Variants in PPIP5K1 observed in about 807,000 individuals in gnomAD.
PPIP5K1 encodes the protein diphosphoinositol pentakisphosphate kinase 1.
Under a neutral mutation model 27.7 loss-of-function variants are expected in PPIP5K1, and 6 were observed. The observed-to-expected ratio is 0.22, with a 90% CI of 0.12 to 0.43. The LOEUF (loss-of-function observed/expected upper bound fraction) is 0.43, where lower values mean the gene tolerates loss of function less well. PPIP5K1 is among the 20% of genes least tolerant of loss of function. The pLI is 1.00. For missense variants in PPIP5K1, 394 were observed against 635.4 expected (o/e 0.62, Z 4.08); for synonymous variants, 145 against 242.6 (o/e 0.60, Z 3.74).
intron 31 of PPIP5K1, chr15:43,536,257 A>G (rs1394233034): frequency 5.7e-6 from 2 of 350,060 alleles, no homozygotes; most frequent in East Asian, 1.1e-4. Flanking sequence ...TGTCTCTACT[A>G]AAAATACAAA....
At position 43,587,518 on chromosome 15, in the gene PPIP5K1, TATGACTGCATATATA is replaced by T. The variant is rs1461396938; in HGVS notation, c.-123+2639_-122-2627del. ...ATAAATACAAATGTTACATATGGTT[TATGACTGCATATATA>T]ATTAGTAGAAGTATAAAAACAGGGA... On this transcript the variant is annotated intron_variant, in intron 1 of 31. Transcript: ENST00000420765. Among the ~76,000 whole-genome samples the T allele has an allele frequency of 2.8e-3, 62 of 21,810 alleles. 1 individual carries two copies. The highest frequency in any genetic ancestry group is 0.023 in the Middle Eastern group (3 of 128). The allele number at this position is 21,810 out of a possible 152,430, so 14.3% of individuals were successfully genotyped here.
chr15:43,534,844 C>T lies in PPIP5K1; in HGVS notation c.4303G>A (p.Glu1435Lys), dbSNP rs377481434. The T allele has an allele frequency of 6.8e-6, 11 of 1,613,478 alleles. No individual in the cohort carries two copies. The highest frequency in any genetic ancestry group is 9.3e-6 in the Non-Finnish European group (11 of 1,179,662). Residue 1435 changes from glutamate to lysine, a missense_variant, in exon 32 of 32, where the codon GAG becomes AAG. This residue lies in a region of PPIP5K1 where 379 missense variants were observed against 423.9 expected (regional missense o/e 0.89). Coordinates refer to ENST00000420765, the MANE Select transcript of PPIP5K1 (RefSeq NM_001394395.1). The part of the protein sequence containing the change: ...VGSPAEEIPE[E>K]VIQPYQEFSV... Reference sequence around the variant, plus strand: ...AACTCCTGGTATGGCTGGATGACCTCCTCAGGGATCTCTTCAGCTGGGCTG... The same window carrying T: ...AACTCCTGGTATGGCTGGATGACCTTCTCAGGGATCTCTTCAGCTGGGCTG...
chr15:43,539,390 C>T, intron 31 of PPIP5K1, 80 bp downstream of exon 31: 1 of 1,054,602 alleles, frequency 9.5e-7, no homozygotes, highest in Non-Finnish European at 1.4e-6. Flanking sequence ...CTTCTTTGAC[C>T]TCATGCAACA....
At chr15:43,556,177 G>C (rs1440459606) in intron 30 of PPIP5K1, among the ~76,000 whole-genome samples, 1 of 151,974 alleles carries the variant, frequency 6.6e-6, no homozygotes, top group Non-Finnish European at 1.5e-5. Flanking sequence ...AAAATTAGCT[G>C]TGCGTGGTGG....
chr15:43,537,486 C>T (rs1422793483), intron 31 of PPIP5K1: 42 of 188,428 alleles, frequency 2.2e-4, no homozygotes, highest in Non-Finnish European at 3.3e-4. Flanking sequence ...ATCAGGAGTT[C>T]GAAACCAGCC....
chr15:43,545,241 C>T (rs1235283847), intron 30 of PPIP5K1, among the ~76,000 whole-genome samples: 2 of 151,490 alleles, frequency 1.3e-5, no homozygotes, highest in African/African-American at 4.9e-5. Flanking sequence ...TGAGATACTA[C>T]AAAATGTACC....
chr15:43,558,721 T>C, intron 30 of PPIP5K1, 74 bp downstream of exon 30: 2 of 1,577,810 alleles, frequency 1.3e-6, no homozygotes, highest in South Asian at 2.2e-5. Flanking sequence ...CTTTCTAATT[T>C]ACTACTTTCT....
In PPIP5K1 at chr15:43,534,642, T is replaced by A. The variant is rs1468465516; in HGVS notation, c.*32A>T. On this transcript the variant is annotated 3_prime_UTR_variant, in exon 32 of 32. Coordinates refer to ENST00000420765, the MANE Select transcript of PPIP5K1 (RefSeq NM_001394395.1). ...TTGAGGAATACCCTCTCCAGGCAGC[T>A]GATCAATCACTTCAGGGACCACCCA... 6.7e-7 allele frequency: 1 copy of A among 1,500,768 alleles called. No individual in the cohort carries two copies. The highest frequency in any genetic ancestry group is 1.4e-5 in the African/African-American group (1 of 71,450). The allele number at this position is 1,500,768 out of a possible 1,614,324, so 93.0% of individuals were successfully genotyped here.
At chr15:43,539,044 C>G (rs1379190233) in intron 31 of PPIP5K1, among the ~76,000 whole-genome samples, 1 of 151,970 alleles carries the variant, frequency 6.6e-6, no homozygotes, top group African/African-American at 2.4e-5. Context: ...AACCCCGTCT[C>G]TACTAAAAAT....
intron 11 of PPIP5K1, among the ~76,000 whole-genome samples, chr15:43,578,534 G>A (rs1400006236): frequency 6.0e-5 from 1 of 16,602 alleles, no homozygotes; most frequent in East Asian, 1.9e-3. Flanking sequence ...AGATCCTGTC[G>A]CAAAAAAAAA....
At chr15:43,551,898 C>T (rs1053303392) in intron 30 of PPIP5K1, among the ~76,000 whole-genome samples, 12 of 151,890 alleles carry the variant, frequency 7.9e-5, no homozygotes, top group African/African-American at 2.7e-4. Flanking sequence ...CCACCACGCC[C>T]GGCTCCTTTT....
chr15:43,553,569 C>T (rs1247587114), intron 30 of PPIP5K1, among the ~76,000 whole-genome samples: 1 of 151,390 alleles, frequency 6.6e-6, no homozygotes, highest in African/African-American at 2.4e-5. Flanking sequence ...TCTCAGATTC[C>T]TGGGCTTAAG....
chr15:43,534,807 A>G lies in PPIP5K1; in HGVS notation c.4340T>C (p.Val1447Ala), dbSNP rs1436495002. Residue 1447 changes from valine (V) to alanine (A), a missense_variant, in exon 32 of 32, where the codon GTT becomes GCT. Coordinates refer to ENST00000420765, the MANE Select transcript of PPIP5K1 (RefSeq NM_001394395.1). ...IQPYQEFSVE[V>A]GRLAQETSAI... Reference sequence around the variant, plus strand: ...AGAAGTCTCCTGGGCCAGCCTGCCAACCTCCACAGAGAACTCCTGGTATGG... The same window carrying G: ...AGAAGTCTCCTGGGCCAGCCTGCCAGCCTCCACAGAGAACTCCTGGTATGG... The G allele has an allele frequency of 2.1e-5, 34 of 1,604,846 alleles. No homozygotes were observed. The highest frequency in any genetic ancestry group is 2.7e-5 in the Non-Finnish European group (32 of 1,175,470).
chr15:43,544,197 T>C (rs964484954), intron 30 of PPIP5K1, among the ~76,000 whole-genome samples: 3 of 152,214 alleles, frequency 2.0e-5, no homozygotes, highest in Non-Finnish European at 2.9e-5. Flanking sequence ...TTCTGGTTTA[T>C]ACTTCTAGCA....
In PPIP5K1 at chr15:43,556,133, C is replaced by G. The variant is rs182786295; in HGVS notation, c.3556+2662G>C. Among the ~76,000 whole-genome samples, 202 of 152,040 alleles carry G rather than the reference C, an allele frequency of 1.3e-3. 1 individual carries two copies. Among genetic ancestry groups the G allele is most frequent in the African/African-American group, 4.7e-3 (194 of 41,488 alleles). ...AAGAGATTAAGACCATCCTGGCCAA[C>G]GTGGTGAAACCCTGTCTCTACTAAA... On this transcript the variant is annotated intron_variant, in intron 30 of 31. Transcript: ENST00000420765.
chr15:43,552,667 C>T (rs1018686315), intron 30 of PPIP5K1, among the ~76,000 whole-genome samples: 35 of 150,926 alleles, frequency 2.3e-4, no homozygotes, highest in African/African-American at 5.1e-4. Context: ...TACCACTGCA[C>T]GCCAGCCTGG....
chr15:43,556,001 T>C (rs572000693), intron 30 of PPIP5K1, among the ~76,000 whole-genome samples: 2 of 152,246 alleles, frequency 1.3e-5, no homozygotes, highest in East Asian at 1.9e-4. Context: ...AATAAATAAA[T>C]AGAGTCTCTT....
chr15:43,579,516 CATATGTGTATATAGATGCACATAT>C (rs2084728263), intron 10 of PPIP5K1, among the ~76,000 whole-genome samples: 1 of 90,242 alleles, frequency 1.1e-5, no homozygotes, highest in African/African-American at 1.1e-4. Context: ...TATAGATGCA[CATATGTGTATATAGATGCACATAT>C]GTATGTGTAT....
At position 43,558,814 on chromosome 15, in the gene PPIP5K1, G is replaced by A. The variant is rs2083390134; in HGVS notation, c.3537C>T (p.Ala1179=). The part of the protein sequence containing the change: ...LSRVCQRHTD[A]QAQASAALFD... ...CCCTACCTGCAGATGCCTGTGCCTG[G>A]GCATCAGTGTGGCGCTGGCAGACTC... Residue 1179 remains alanine (A), a synonymous_variant, in exon 30 of 32, where the codon GCC becomes GCT. Coordinates refer to ENST00000420765, the MANE Select transcript of PPIP5K1 (RefSeq NM_001394395.1). 6.2e-7 allele frequency: 1 copy of A among 1,614,058 alleles called. No homozygotes were observed. Among genetic ancestry groups the A allele is most frequent in the Non-Finnish European group, 8.5e-7 (1 of 1,180,022 alleles).
Sources: allele counts gnomAD v4.1 joint callset (sites outside exome capture counted in the v4.1 genomes callset), GRCh38; gene constraint gnomAD v4.1.1; regional missense constraint gnomAD v4.1.1; transcripts MANE v1.5; gene names NCBI Gene and HGNC (gene_info 2026-07-23, HGNC 2026-07-21).